Variants in ARID5B observed in about 807,000 individuals in gnomAD.
ARID5B encodes the protein AT-rich interaction domain 5B, also known as AT-rich interactive domain-containing protein 5B.
Under a neutral mutation model 97.2 loss-of-function variants are expected in ARID5B, and 13 were observed. That is an observed-to-expected ratio of 0.13 (90% CI 0.09 to 0.21). ARID5B has a LOEUF of 0.21. Among genes scored for constraint, ARID5B ranks in the 10% least tolerant of loss-of-function variants. The pLI, the probability that ARID5B is intolerant of heterozygous loss-of-function variation, is 1.00. For synonymous variants in ARID5B, 556 were observed against 570.3 expected (o/e 0.97, Z 0.36); for missense variants, 1,210 against 1,465.3 (o/e 0.83, Z 2.84).
intron 2 of ARID5B, among the ~76,000 whole-genome samples, chr10:61,915,725 G>A (rs549849376): frequency 9.4e-4 from 143 of 152,248 alleles, no homozygotes; most frequent in Non-Finnish European, 1.1e-3. Context: ...GGCCAACTCT[G>A]GTCTACTATC....
chr10:62,056,793 G>A (rs1331105387), intron 5 of ARID5B, among the ~76,000 whole-genome samples: 1 of 152,118 alleles, frequency 6.6e-6, no homozygotes, highest in African/African-American at 2.4e-5. Context: ...TGTCAATAAA[G>A]TTTTATTGGA....
At chr10:61,948,501 G>A (rs995576873) in intron 3 of ARID5B, among the ~76,000 whole-genome samples, 1 of 149,012 alleles carries the variant, frequency 6.7e-6, no homozygotes, top group African/African-American at 2.5e-5. Context: ...CGAGTAGCTG[G>A]GACTACAGGT....
rs575841124 is a variant in ARID5B at position 61,961,358 on chromosome 10, C to T, written c.502+20950C>T. 2.6e-5 allele frequency among the ~76,000 whole-genome samples: 4 copies of T among 152,194 alleles called. No individual in the cohort carries two copies. The South Asian group carries it at 8.3e-4, about 32-fold the overall frequency. Reference sequence around the variant, plus strand: ...TGACTTGGGTACCGCTAGTGTATACCACAGTTAAGTCATTTCCTTTGAGGC... The same window carrying T: ...TGACTTGGGTACCGCTAGTGTATACTACAGTTAAGTCATTTCCTTTGAGGC... On this transcript the variant is annotated intron_variant, in intron 3 of 9. Coordinates refer to ENST00000279873, the MANE Select transcript of ARID5B (RefSeq NM_032199.3).
Position 62,092,655 on chromosome 10 carries a change from C to T in ARID5B, c.3192C>T (p.Gly1064=), listed in dbSNP as rs756900677. The stretch of plus-strand genomic sequence containing the variant: ...CAGCGCACGGTGGGCATTCCGGGGG[C>T]GGATCAGAAGGCCACAAGCTTCCCC... ...SKAAHGGHSG[G]GSEGHKLPLS... The change falls in exon 10 of 10, where the codon GGC becomes GGT. Residue 1064 remains glycine (G), a synonymous_variant. Transcript: ENST00000279873. 7 of 1,613,950 alleles carry T rather than the reference C, an allele frequency of 4.3e-6. No homozygotes were observed. The highest frequency in any genetic ancestry group is 5.9e-6 in the Non-Finnish European group (7 of 1,179,948).
At chr10:61,946,569 T>C (rs949032326) in intron 3 of ARID5B, among the ~76,000 whole-genome samples, 2 of 152,220 alleles carry the variant, frequency 1.3e-5, no homozygotes, top group Non-Finnish European at 2.9e-5. Flanking sequence ...AAATAATATA[T>C]TGTTGCACTA....
intron 2 of ARID5B, among the ~76,000 whole-genome samples, chr10:61,929,954 G>C (rs939018436): frequency 6.6e-6 from 1 of 152,244 alleles, no homozygotes; most frequent in African/African-American, 2.4e-5. Flanking sequence ...AAGTCAAAGG[G>C]AAGGCTGTGC....
At position 62,095,199 on chromosome 10, in the gene ARID5B, A is replaced by G. The variant is rs554978838; in HGVS notation, c.*2169A>G. The G allele has an allele frequency of 3.4e-5, 8 of 233,244 alleles. No homozygotes were observed. The East Asian group carries it at 4.2e-4, about 12-fold the overall frequency. 14.4% of individuals were successfully genotyped at this position (233,244 alleles called of 1,614,324 possible). On this transcript the variant is annotated 3_prime_UTR_variant, in exon 10 of 10. Transcript: ENST00000279873. The stretch of plus-strand genomic sequence containing the variant: ...ATTATCCTGCTATTGCACAAGCTAG[A>G]GGGGGGAAAAATCTCAATTCCAGCT...
intron 4 of ARID5B, among the ~76,000 whole-genome samples, chr10:62,004,865 A>G (rs1483722126): frequency 6.6e-6 from 1 of 152,250 alleles, no homozygotes; most frequent in Non-Finnish European, 1.5e-5. Context: ...GATAACTTTA[A>G]GGTACTGGCT....
chr10:62,047,572 G>A (rs925729337), intron 4 of ARID5B, among the ~76,000 whole-genome samples: 2 of 152,162 alleles, frequency 1.3e-5, no homozygotes, highest in African/African-American at 4.8e-5. Context: ...TAATTCTGGA[G>A]TCTTAGGATT....
At chr10:61,915,787 G>A (rs886188068) in intron 2 of ARID5B, among the ~76,000 whole-genome samples, 2 of 152,142 alleles carry the variant, frequency 1.3e-5, no homozygotes, top group African/African-American at 2.4e-5. Context: ...ACAGAGTCTC[G>A]CTCTGTCGCC....
chr10:61,960,391 T>C (rs1406284871), intron 3 of ARID5B, among the ~76,000 whole-genome samples: 1 of 152,178 alleles, frequency 6.6e-6, no homozygotes, highest in African/African-American at 2.4e-5. Flanking sequence ...GGCTTAATTT[T>C]TATATATAGG....
At chr10:61,922,106 C>T (rs1844026049) in intron 2 of ARID5B, among the ~76,000 whole-genome samples, 1 of 152,188 alleles carries the variant, frequency 6.6e-6, no homozygotes, top group African/African-American at 2.4e-5. Context: ...CTGCAGATTG[C>T]CTAATCTTTT....
At chr10:61,982,655 G>T (rs1838792902) in intron 3 of ARID5B, among the ~76,000 whole-genome samples, 1 of 152,190 alleles carries the variant, frequency 6.6e-6, no homozygotes, top group South Asian at 2.1e-4. Flanking sequence ...TGGGAAATTT[G>T]ATTGGAAGAA....
chr10:62,035,782 G>A (rs1227756995), intron 4 of ARID5B, among the ~76,000 whole-genome samples: 2 of 151,902 alleles, frequency 1.3e-5, no homozygotes. Flanking sequence ...TCACCCAGCT[G>A]GAGATGAGGG....
intron 4 of ARID5B, chr10:62,049,412 G>C: frequency 1.3e-6 from 2 of 1,550,130 alleles, no homozygotes; most frequent in Non-Finnish European, 1.7e-6. Flanking sequence ...GGATGTGGCC[G>C]GGGAGCAGTC....
chr10:62,061,026 GATGA>G (rs1345705702), intron 7 of ARID5B, among the ~76,000 whole-genome samples: 1 of 152,152 alleles, frequency 6.6e-6, no homozygotes, highest in Admixed American at 6.5e-5. Flanking sequence ...CCTTTTGTTG[GATGA>G]ATGAATGACC....
intron 3 of ARID5B, among the ~76,000 whole-genome samples, chr10:61,942,142 C>G (rs2132799009): frequency 6.6e-6 from 1 of 152,126 alleles, no homozygotes. Context: ...GTATTTATAG[C>G]AAGGTTTATG....
intron 2 of ARID5B, among the ~76,000 whole-genome samples, chr10:61,919,806 T>C (rs1019408734): frequency 6.6e-6 from 1 of 152,194 alleles, no homozygotes; most frequent in Non-Finnish European, 1.5e-5. Flanking sequence ...TCCCTAACTA[T>C]CTGGACAGAC....
intron 2 of ARID5B, among the ~76,000 whole-genome samples, chr10:61,935,627 C>T (rs969700837): frequency 1.3e-5 from 2 of 152,046 alleles, no homozygotes; most frequent in Non-Finnish European, 2.9e-5. Flanking sequence ...AGGGACTAGT[C>T]TGTATCCTGA....
Sources: allele counts gnomAD v4.1 joint callset (sites outside exome capture counted in the v4.1 genomes callset), GRCh38; gene constraint gnomAD v4.1.1; transcripts MANE v1.5; gene names NCBI Gene and HGNC (gene_info 2026-07-23, HGNC 2026-07-21).